TLK2: variants seen among roughly 807,000 people sequenced by gnomAD.
The protein encoded by TLK2 is tousled like kinase 2.
A neutral mutation model predicts 117.3 loss-of-function variants in TLK2; 6 were observed. The ratio of observed to expected loss-of-function variants is 0.05; its 90% confidence interval spans 0.03 to 0.10. The LOEUF (loss-of-function observed/expected upper bound fraction) is 0.10, where lower values mean the gene tolerates loss of function less well. Among genes scored for constraint, TLK2 ranks in the 10% least tolerant of loss-of-function variants. TLK2 has a pLI of 1.00. For missense variants in TLK2, 299 were observed against 901.2 expected (o/e 0.33, Z 8.56); for synonymous variants, 257 against 316.7 (o/e 0.81, Z 2.00).
At chr17:62,527,828 C>A (rs1288400574) in intron 6 of TLK2, among the ~76,000 whole-genome samples, 1 of 151,856 alleles carries the variant, frequency 6.6e-6, no homozygotes, top group African/African-American at 2.4e-5. Flanking sequence ...CCGCAACCTC[C>A]GCCTTCCAGT....
At chr17:62,522,016 G>A (rs182198883) in intron 3 of TLK2, among the ~76,000 whole-genome samples, 188 bp from the exon 4 acceptor site, 1 of 152,256 alleles carries the variant, frequency 6.6e-6, no homozygotes, top group African/African-American at 2.4e-5. Flanking sequence ...CAAAAATTGT[G>A]TGGATGGTTT....
intron 19 of TLK2, 58 bp from the exon 20 acceptor site, chr17:62,606,072 C>A (rs778589004): frequency 3.5e-6 from 2 of 565,736 alleles, no homozygotes; most frequent in Non-Finnish European, 5.6e-6. Context: ...TCTTTTTGTA[C>A]ATGTCTTAAA....
At position 62,602,069 on chromosome 17, in the gene TLK2, C is replaced by T. The variant is rs1246249337; in HGVS notation, c.1748C>T (p.Ala583Val). ...PGNILLVNGT[A>V]CGEIKITDFG... ...AATATTCTTTTAGTAAATGGTACAG[C>T]GTGTGGAGAGATAAAAATTACAGAT... The change falls in exon 19 of 22, where the codon GCG becomes GTG. Residue 583 changes from alanine to valine, a missense_variant. Coordinates refer to ENST00000346027, the MANE Select transcript of TLK2 (RefSeq NM_006852.6). 2 of 1,612,428 alleles carry T rather than the reference C, an allele frequency of 1.2e-6. No homozygotes were observed. The highest frequency in any genetic ancestry group is 1.1e-5 in the South Asian group (1 of 90,994).
rs1410458411 is a variant in TLK2, at chr17:62,545,901, A to C, written c.532-6401A>C. ...TGTTTGTTTGTTTGTTTGTTTGTTG[A>C]GCAAAGTCTTCCTTTGCCACTGAGG... On this transcript the variant is annotated intron_variant, in intron 7 of 21. Transcript: ENST00000346027. Among the ~76,000 whole-genome samples, 17 of 140,814 alleles carry C rather than the reference A, an allele frequency of 1.2e-4. No homozygotes were observed. In the Admixed American group the frequency reaches 1.3e-3, roughly 10 times the overall value. The allele number at this position is 140,814 out of a possible 152,430, so 92.4% of individuals were successfully genotyped here. A position where few individuals can be genotyped will look rare whatever the true frequency, so the allele number is the denominator to read the frequency against.
chr17:62,533,382 GTGTGTGTGTC>G (rs1351046571), intron 6 of TLK2, among the ~76,000 whole-genome samples: 4 of 145,702 alleles, frequency 2.7e-5, no homozygotes, highest in Non-Finnish European at 3.0e-5. Flanking sequence ...GTGTGTGTGT[GTGTGTGTGTC>G]TGTGTGTGTG....
intron 7 of TLK2, among the ~76,000 whole-genome samples, chr17:62,539,105 A>G (rs1255393395): frequency 1.3e-5 from 2 of 152,184 alleles, no homozygotes; most frequent in Non-Finnish European, 2.9e-5. Context: ...TCTGTCTATA[A>G]ATTGTTGAAG....
At chr17:62,519,204 T>C (rs1044356055) in intron 2 of TLK2, among the ~76,000 whole-genome samples, 1 of 152,188 alleles carries the variant, frequency 6.6e-6, no homozygotes, top group Non-Finnish European at 1.5e-5. Flanking sequence ...TTAATTTTTA[T>C]GTTGATGTGA....
chr17:62,512,542 A>G (rs2075235613), intron 2 of TLK2, among the ~76,000 whole-genome samples: 1 of 151,660 alleles, frequency 6.6e-6, no homozygotes, highest in Non-Finnish European at 1.5e-5. Context: ...GTCTATTCAT[A>G]TTTTTTTGCC....
intron 6 of TLK2, among the ~76,000 whole-genome samples, chr17:62,535,377 T>C (rs906595213): frequency 2.0e-5 from 3 of 152,236 alleles, no homozygotes; most frequent in Admixed American, 6.5e-5. Context: ...TTTAGTATAC[T>C]GTGGAACTTG....
intron 2 of TLK2, among the ~76,000 whole-genome samples, chr17:62,486,689 T>C (rs530627379): frequency 6.2e-4 from 95 of 152,336 alleles, no homozygotes; most frequent in Middle Eastern, 3.4e-3. Flanking sequence ...TTGTACCTAG[T>C]TGGATATCAA....
At chr17:62,495,653 T>TTATATATATATATATA (rs143548926) in intron 2 of TLK2, among the ~76,000 whole-genome samples, 6 of 137,904 alleles carry the variant, frequency 4.4e-5, no homozygotes, top group Middle Eastern at 3.7e-3. Context: ...ATTTTAAAAA[T>TTATATATATATATATA]TATATATATA....
intron 2 of TLK2, among the ~76,000 whole-genome samples, chr17:62,504,084 G>A (rs1185660580): frequency 6.6e-6 from 1 of 152,150 alleles, no homozygotes; most frequent in African/African-American, 2.4e-5. Context: ...CCCTATGGGT[G>A]GCAAGTTATT....
chr17:62,595,984 G>A (rs1055291849), intron 16 of TLK2, among the ~76,000 whole-genome samples: 33 of 152,276 alleles, frequency 2.2e-4, no homozygotes, highest in African/African-American at 7.7e-4. Context: ...TTGAGTATAC[G>A]TGGAAAAGAG....
intron 8 of TLK2, among the ~76,000 whole-genome samples, chr17:62,553,276 GCT>G (rs757905155): frequency 1.3e-5 from 2 of 152,000 alleles, no homozygotes; most frequent in African/African-American, 2.4e-5. Context: ...CCTTCTGATT[GCT>G]CTCTGTTTCC....
intron 2 of TLK2, among the ~76,000 whole-genome samples, chr17:62,493,945 A>C (rs923462162): frequency 7.9e-5 from 12 of 151,888 alleles, no homozygotes; most frequent in Non-Finnish European, 1.5e-4. Context: ...TTTAGTAGAG[A>C]CGGGGTTTCA....
chr17:62,526,825 G>A (rs2076395286), intron 6 of TLK2, among the ~76,000 whole-genome samples: 1 of 152,120 alleles, frequency 6.6e-6, no homozygotes, highest in African/African-American at 2.4e-5. Flanking sequence ...CCAGTTCACT[G>A]CATTAGCTTT....
At chr17:62,542,624 T>A (rs1263715527) in intron 7 of TLK2, among the ~76,000 whole-genome samples, 1 of 152,212 alleles carries the variant, frequency 6.6e-6, no homozygotes, top group Non-Finnish European at 1.5e-5. Flanking sequence ...AATATTATGA[T>A]TGTTTCATTG....
At chr17:62,591,528 C>T (rs1197497218) in intron 16 of TLK2, among the ~76,000 whole-genome samples, 1 of 152,110 alleles carries the variant, frequency 6.6e-6, no homozygotes, top group Non-Finnish European at 1.5e-5. Flanking sequence ...AGCCAGGCCT[C>T]TGTGTCCCCA....
intron 21 of TLK2, 34 bp from the exon 22 acceptor site, chr17:62,612,358 T>C (rs1198785126): frequency 1.2e-6 from 2 of 1,601,298 alleles, no homozygotes; most frequent in African/African-American, 2.7e-5. Flanking sequence ...GCCAAGACTA[T>C]CTGCCTCTGT....
Sources: allele counts gnomAD v4.1 joint callset (sites outside exome capture counted in the v4.1 genomes callset), GRCh38; gene constraint gnomAD v4.1.1; transcripts MANE v1.5; gene names NCBI Gene and HGNC (gene_info 2026-07-23, HGNC 2026-07-21).